Variants in ZNF28 observed in about 807,000 individuals in gnomAD.
The protein encoded by ZNF28 is zinc finger protein KOX24.
A neutral mutation model predicts 7.2 loss-of-function variants in ZNF28; 5 were observed. The ratio of observed to expected loss-of-function variants is 0.70; its 90% CI spans 0.36 to 1.46. The LOEUF is 1.46. Among genes scored for constraint, ZNF28 ranks in the 40% most tolerant of loss-of-function variants. The pLI, the probability that ZNF28 is intolerant of heterozygous loss-of-function variation, is 0.03. For missense variants in ZNF28, 879 were observed against 866.6 expected (o/e 1.01, Z -0.18); for synonymous variants, 288 against 292.4 (o/e 0.99, Z 0.15).
intron 3 of ZNF28, among the ~76,000 whole-genome samples, chr19:52,806,263 G>A (rs1600439166): frequency 6.6e-6 from 1 of 151,720 alleles, no homozygotes; most frequent in African/African-American, 2.4e-5. Context: ...GTGCGATCTC[G>A]GCTCACTGCA....
chr19:52,811,420 C>T (rs1263279446), intron 2 of ZNF28, among the ~76,000 whole-genome samples: 3 of 146,044 alleles, frequency 2.1e-5, no homozygotes, highest in South Asian at 2.1e-4. Flanking sequence ...CGTCTCTGCC[C>T]GGCCGCCATC....
Position 52,815,815 on chromosome 19 carries a change from G to A in ZNF28, c.15+2129C>T, listed in dbSNP as rs1357738698. Among the ~76,000 whole-genome samples the A allele has an allele frequency of 8.9e-5, 13 of 145,354 alleles. 1 individual carries two copies. The highest frequency in any genetic ancestry group is 4.0e-4 in the East Asian group (2 of 4,960). On this transcript the variant is annotated intron_variant, in intron 2 of 3. Coordinates refer to ENST00000457749, the MANE Select transcript of ZNF28 (RefSeq NM_006969.5). The stretch of plus-strand genomic sequence containing the variant: ...ACTCCAGCCTGGGCGACAGAGCGAG[G>A]CTCCATCTCAAAAAAAATAAATAAC...
In ZNF28 at chr19:52,798,823, G is replaced by C; in HGVS notation, c.*865C>G. ...GATTTGCAATGGTTGTAGCATTACT[G>C]AAAACTTTGTGACAATCATTATATT... On this transcript the variant is annotated 3_prime_UTR_variant, in exon 4 of 4. Coordinates refer to ENST00000457749, the MANE Select transcript of ZNF28 (RefSeq NM_006969.5). The C allele has an allele frequency of 2.1e-6, 2 of 974,096 alleles. No homozygotes were observed. Among genetic ancestry groups the C allele is most frequent in the Non-Finnish European group, 3.1e-6 (2 of 648,030 alleles). 60.3% of individuals were successfully genotyped at this position (974,096 alleles called of 1,614,324 possible).
rs771639095 is a variant in ZNF28 at position 52,799,083 on chromosome 19, TCA to T, written c.*603_*604del. On this transcript the variant is annotated 3_prime_UTR_variant, in exon 4 of 4. Coordinates refer to ENST00000457749, the MANE Select transcript of ZNF28 (RefSeq NM_006969.5). ...CTGTGATTTGTGACTGACAACTTTG[TCA>T]CAGTCTTCACATTTGTAAGATTTCT... The T allele has an allele frequency of 6.3e-5, 27 of 431,312 alleles. 1 individual carries two copies. The highest frequency in any genetic ancestry group is 2.0e-4 in the South Asian group (9 of 45,784). 26.7% of individuals were successfully genotyped at this position (431,312 alleles called of 1,614,324 possible). A position where few individuals can be genotyped will look rare whatever the true frequency, so the allele number is the denominator to read the frequency against.
Position 52,801,170 on chromosome 19 carries a change from A to G in ZNF28, c.675T>C (p.Asn225=). Reference sequence around the variant, plus strand: ...GATGTTTTTTTAAAAGTGAGCTACAATTAAAGGATTTGCCACTCTCAATAC... The same window carrying G: ...GATGTTTTTTTAAAAGTGAGCTACAGTTAAAGGATTTGCCACTCTCAATAC... ...FQCIESGKSF[N]CSSLLKKHQI... Residue 225 remains asparagine (N), a synonymous_variant, in exon 4 of 4, where the codon AAT becomes AAC. Coordinates refer to ENST00000457749, the MANE Select transcript of ZNF28 (RefSeq NM_006969.5). 6.2e-7 allele frequency: 1 copy of G among 1,614,130 alleles called. No homozygotes were observed. The highest frequency in any genetic ancestry group is 8.5e-7 in the Non-Finnish European group (1 of 1,180,018).
rs747683976 is a variant in ZNF28 at position 52,808,051 on chromosome 19, T to C, written c.98A>G (p.Tyr33Cys). 6.2e-7 allele frequency: 1 copy of C among 1,613,578 alleles called. No homozygotes were observed. The highest frequency in any genetic ancestry group is 1.1e-5 in the South Asian group (1 of 91,076). Residue 33 changes from tyrosine to cysteine, a missense_variant, in exon 3 of 4, where the codon TAC becomes TGC. Physicochemically the swap from Tyr to Cys is radical, Grantham distance 194 (BLOSUM62 -2). Around this residue, in one of 2 missense-constraint regions of ZNF28, gnomAD observed 864 missense variants for 830.2 expected, o/e 1.04. Coordinates refer to ENST00000457749, the MANE Select transcript of ZNF28 (RefSeq NM_006969.5). ...KCLDPAQRTL[Y>C]RDVMLENYRN... The stretch of plus-strand genomic sequence containing the variant: ...ATAATTCTCCAGCATCACATCCCTG[T>C]AAAGAGTCCTCTGAGCAGGGTCCAG...
rs768439695 is a variant in ZNF28, at chr19:52,800,916, C to T, written c.929G>A (p.Arg310His). ...CTTATGTGTTTCAAGGTGTGATTTG[C>T]GACTGAAAACTTTGTCACATTCTTC... is the stretch of plus-strand genomic sequence containing the variant. The part of the protein sequence containing the change: ...ECEECDKVFS[R>H]KSHLETHKII... The change falls in exon 4 of 4, where the codon CGC becomes CAC. Residue 310 changes from arginine to histidine, a missense_variant. Transcript: ENST00000457749. The T allele has an allele frequency of 8.1e-6, 13 of 1,613,944 alleles. No homozygotes were observed. The highest frequency in any genetic ancestry group is 1.6e-4 in the Middle Eastern group (1 of 6,082).
In ZNF28 at chr19:52,800,160, C is replaced by T. The variant is rs746829005; in HGVS notation, c.1685G>A (p.Arg562His). 9 of 1,613,436 alleles carry T rather than the reference C, an allele frequency of 5.6e-6. No homozygotes were observed. Among genetic ancestry groups the T allele is most frequent in the Middle Eastern group, 1.7e-4 (1 of 6,054 alleles). ...KCEECEKVFSRKSHMERHRRI... is the reference protein window; with the variant it reads ...KCEECEKVFSHKSHMERHRRI... ...CCTATGTCTTTCCATGTGTGATTTG[C>T]GACTGAAAACTTTCTCACATTCTTC... is the stretch of plus-strand genomic sequence containing the variant. Residue 562 changes from arginine (R) to histidine (H), a missense_variant, in exon 4 of 4, where the codon CGC becomes CAC. Physicochemically the swap from Arg to His is conservative, Grantham distance 29. This residue lies in a region of ZNF28 where 864 missense variants were observed against 830.2 expected (regional missense o/e 1.04). Transcript: ENST00000457749.
At position 52,802,286 on chromosome 19, in the gene ZNF28, G is replaced by A. The variant is rs553150714; in HGVS notation, c.143-584C>T. Among the ~76,000 whole-genome samples, 46 of 152,222 alleles carry A rather than the reference G, an allele frequency of 3.0e-4. 1 individual carries two copies. Among genetic ancestry groups the A allele is most frequent in the South Asian group, 1.7e-3 (8 of 4,822 alleles). On this transcript the variant is annotated intron_variant, in intron 3 of 3. Transcript: ENST00000457749. ...CTGAAGGCTGTGTCACAAGAATTGC[G>A]TTAAGCCAAAGGCAAAGGTTGCTGT...
Position 52,810,530 on chromosome 19 carries a change from C to T in ZNF28, c.16-2397G>A, listed in dbSNP as rs145444402. 757 of 1,596,518 alleles carry T rather than the reference C, an allele frequency of 4.7e-4. 7 individuals carry two copies. The African/African-American group carries it at 8.5e-3, about 18-fold the overall frequency. On this transcript the variant is annotated intron_variant, in intron 2 of 3. Coordinates refer to ENST00000457749, the MANE Select transcript of ZNF28 (RefSeq NM_006969.5). ...AAGGCAAATCAAGGTGATCCCAAAGCGAACCAACAGACCAGGCATCAGCAC... is the reference window on the plus strand; with the variant it reads ...AAGGCAAATCAAGGTGATCCCAAAGTGAACCAACAGACCAGGCATCAGCAC...
intron 2 of ZNF28, among the ~76,000 whole-genome samples, chr19:52,812,411 T>A (rs577954782): frequency 7.5e-6 from 1 of 133,840 alleles, no homozygotes; most frequent in South Asian, 2.3e-4. Flanking sequence ...TTTCATTTTG[T>A]TCTGTACTAA....
At position 52,820,206 on chromosome 19, in the gene ZNF28, T is replaced by C. The variant is rs1206852390; in HGVS notation, c.-74+1380A>G. Among the ~76,000 whole-genome samples, 82 of 114,166 alleles carry C rather than the reference T, an allele frequency of 7.2e-4. 7 individuals are homozygous for C. Among genetic ancestry groups the C allele is most frequent in the Non-Finnish European group, 1.1e-3 (64 of 56,070 alleles). The allele number at this position is 114,166 out of a possible 152,430, so 74.9% of individuals were successfully genotyped here. A position where few individuals can be genotyped will look rare whatever the true frequency, so the allele number is the denominator to read the frequency against. ...AATCTCGGCTCACTGCAAGCTCTGC[T>C]TCCCGGGTTCACGCCATTCTCCTGC... is the stretch of plus-strand genomic sequence containing the variant. On this transcript the variant is annotated intron_variant, in intron 1 of 3. Coordinates refer to ENST00000457749, the MANE Select transcript of ZNF28 (RefSeq NM_006969.5).
chr19:52,807,974 C>T (rs747624243), intron 3 of ZNF28, 33 bp downstream of exon 3: 8 of 1,611,818 alleles, frequency 5.0e-6, no homozygotes, highest in Non-Finnish European at 5.9e-6. Flanking sequence ...TACAAAGATA[C>T]ACAAGGGCAC....
intron 2 of ZNF28, among the ~76,000 whole-genome samples, chr19:52,813,249 GAAA>G (rs71183837): frequency 2.5e-4 from 16 of 62,986 alleles, no homozygotes; most frequent in South Asian, 1.9e-3. Context: ...CTTGAATGGT[GAAA>G]AAAAAAAAAA....
chr19:52,815,490 C>A (rs1461882356), intron 2 of ZNF28, among the ~76,000 whole-genome samples: 2 of 144,868 alleles, frequency 1.4e-5, no homozygotes, highest in Non-Finnish European at 3.0e-5. Flanking sequence ...ATACTCCAGT[C>A]TGGGCAACAA....
rs757172152 is a variant in ZNF28, at chr19:52,801,680, C to T, written c.165G>A (p.Met55Ile). 14 of 1,611,500 alleles carry T rather than the reference C, an allele frequency of 8.7e-6. No homozygotes were observed. Among genetic ancestry groups the T allele is most frequent in the African/African-American group, 2.7e-5 (2 of 74,894 alleles). The change falls in exon 4 of 4, where the codon ATG becomes ATA. Residue 55 changes from methionine to isoleucine, a missense_variant. Met to Ile is a conservative substitution (Grantham distance 10). Around this residue, in one of 2 missense-constraint regions of ZNF28, gnomAD observed 864 missense variants for 830.2 expected, o/e 1.04. Transcript: ENST00000457749. ...VSLDISSKCM[M>I]KTFFSTGQGN... ...CTTGCCCTGTTGAGAAGAATGTCTTCATCATGCATTTGGAAGAGATATCTA... is the reference window on the plus strand; with the variant it reads ...CTTGCCCTGTTGAGAAGAATGTCTTTATCATGCATTTGGAAGAGATATCTA...
intron 2 of ZNF28, among the ~76,000 whole-genome samples, chr19:52,814,859 C>A (rs541820934): frequency 6.8e-6 from 1 of 146,602 alleles, no homozygotes; most frequent in South Asian, 2.3e-4. Flanking sequence ...TGCGCTCCAG[C>A]CTGGGCAACA....
In ZNF28 at chr19:52,801,254, G is replaced by C; in HGVS notation, c.591C>G (p.Leu197=). The change falls in exon 4 of 4, where the codon CTC becomes CTG. Residue 197 remains leucine (L), a synonymous_variant. Transcript: ENST00000457749. ...HISNKYGNNS[L]HSSLLTQKRN... is the part of the protein sequence containing the mutation. ...GTTTTTGTGTGAGTAATGAAGAATG[G>C]AGGGAATTATTTCCATACTTATTAG... The C allele has an allele frequency of 6.2e-7, 1 of 1,614,120 alleles. No individual in the cohort carries two copies. Among genetic ancestry groups the C allele is most frequent in the Non-Finnish European group, 8.5e-7 (1 of 1,180,016 alleles).
chr19:52,800,013 T>G lies in ZNF28; in HGVS notation c.1832A>C (p.Glu611Ala), dbSNP rs376428973. 7 of 1,614,048 alleles carry G rather than the reference T, an allele frequency of 4.3e-6. No homozygotes were observed. In the African/African-American group the frequency reaches 9.3e-5, roughly 22 times the overall value. Residue 611 changes from glutamate to alanine, a missense_variant, in exon 4 of 4, where the codon GAG (glutamate) becomes GCG (alanine). Transcript: ENST00000457749. ...TGTCTGACGGAAGGTCTTGCCACAC[T>G]CATTACACTTGTAAGGTTTCTCTCC... is the stretch of plus-strand genomic sequence containing the variant. Reference protein sequence around the residue: ...HTGEKPYKCNECGKTFRQTSS... With the variant: ...HTGEKPYKCNACGKTFRQTSS...
Sources: allele counts gnomAD v4.1 joint callset (sites outside exome capture counted in the v4.1 genomes callset), GRCh38; gene constraint gnomAD v4.1.1; regional missense constraint gnomAD v4.1.1; transcripts MANE v1.5; gene names NCBI Gene and HGNC (gene_info 2026-07-23, HGNC 2026-07-21).